LUZP2: variants seen among roughly 807,000 people sequenced by gnomAD.
The protein encoded by LUZP2 is leucine zipper protein 2.
In LUZP2, 52 loss-of-function variants were observed where a neutral mutation model predicts 51.6. That is an observed-to-expected ratio of 1.01 (90% CI 0.81 to 1.27). The LOEUF (loss-of-function observed/expected upper bound fraction) is 1.27, where lower values mean the gene tolerates loss of function less well. LUZP2 is among the 50% of genes most tolerant of loss of function. LUZP2 has a pLI of 0.00. For synonymous variants in LUZP2, 154 were observed against 137.3 expected (o/e 1.12, Z -0.85); for missense variants, 436 against 395.4 (o/e 1.10, Z -0.87).
At chr11:24,768,029 T>C (rs1390902651) in intron 5 of LUZP2, among the ~76,000 whole-genome samples, 1 of 152,164 alleles carries the variant, frequency 6.6e-6, no homozygotes, top group Non-Finnish European at 1.5e-5. Flanking sequence ...TTGTCTGTAA[T>C]GGTCTGAGAT....
chr11:24,518,861 T>C (rs1466708106), intron 1 of LUZP2, among the ~76,000 whole-genome samples: 1 of 152,214 alleles, frequency 6.6e-6, no homozygotes, highest in Non-Finnish European at 1.5e-5. Flanking sequence ...TCTATTCAAG[T>C]TCCCAATCAA....
At chr11:24,706,777 T>C (rs1361745365) in intron 1 of LUZP2, among the ~76,000 whole-genome samples, 2 of 152,148 alleles carry the variant, frequency 1.3e-5, no homozygotes, top group Non-Finnish European at 2.9e-5. Context: ...ATCTGGTTTT[T>C]CACCATTTGC....
chr11:24,678,075 AGGG>A (rs71041788), intron 1 of LUZP2, among the ~76,000 whole-genome samples: 1,098 of 69,754 alleles, frequency 0.016, 30 homozygotes, highest in East Asian at 0.11. Context: ...GAAAGGAGAA[AGGG>A]GGGGGGGGGT....
chr11:24,619,316 A>G (rs1463399240), intron 1 of LUZP2, among the ~76,000 whole-genome samples: 2 of 152,086 alleles, frequency 1.3e-5, no homozygotes, highest in Non-Finnish European at 2.9e-5. Context: ...TTATGGGTGT[A>G]TGTCACCCTG....
At chr11:24,670,218 G>C (rs1050748701) in intron 1 of LUZP2, among the ~76,000 whole-genome samples, 5 of 151,912 alleles carry the variant, frequency 3.3e-5, no homozygotes, top group African/African-American at 1.2e-4. Context: ...TTGCAGCTCT[G>C]GTATTGACAG....
intron 1 of LUZP2, among the ~76,000 whole-genome samples, chr11:24,654,815 G>A (rs945855674): frequency 1.3e-5 from 2 of 148,340 alleles, no homozygotes; most frequent in Non-Finnish European, 1.5e-5. Context: ...ATGAGCCACC[G>A]CGCCCGGCCT....
intron 1 of LUZP2, among the ~76,000 whole-genome samples, chr11:24,609,355 A>G (rs562496682): frequency 1.3e-5 from 2 of 152,282 alleles, no homozygotes; most frequent in East Asian, 3.9e-4. Flanking sequence ...CCACAGTTGT[A>G]GAAGAAGCAG....
At chr11:25,053,094 C>G (rs560699203) in intron 10 of LUZP2, among the ~76,000 whole-genome samples, 2 of 152,148 alleles carry the variant, frequency 1.3e-5, no homozygotes, top group South Asian at 2.1e-4. Context: ...GAACCTGAAT[C>G]TAGGCAATCA....
At chr11:24,847,648 G>C (rs943013938) in intron 5 of LUZP2, among the ~76,000 whole-genome samples, 1 of 152,206 alleles carries the variant, frequency 6.6e-6, no homozygotes, top group African/African-American at 2.4e-5. Flanking sequence ...GAAATACGGG[G>C]TGGAGGGGGG....
At chr11:24,976,707 A>T in intron 8 of LUZP2, 42 bp downstream of exon 8, 1 of 5,094 alleles carries the variant, frequency 2.0e-4, no homozygotes, top group Non-Finnish European at 4.3e-4. Context: ...TAGTTTTAGC[A>T]AAAAAAAAAA....
chr11:24,862,035 A>G (rs1851758339), intron 5 of LUZP2, among the ~76,000 whole-genome samples: 1 of 152,116 alleles, frequency 6.6e-6, no homozygotes, highest in Admixed American at 6.6e-5. Flanking sequence ...GACCTTTCAG[A>G]AGGCCTGCTC....
chr11:24,724,758 C>T (rs1434641581), intron 1 of LUZP2, among the ~76,000 whole-genome samples: 2 of 152,044 alleles, frequency 1.3e-5, no homozygotes, highest in African/African-American at 4.8e-5. Context: ...ATTGCTACCA[C>T]TTTAAAAAGT....
intron 4 of LUZP2, among the ~76,000 whole-genome samples, chr11:24,755,149 AACAG>A (rs200217534): frequency 0.022 from 3,381 of 152,000 alleles, 124 homozygotes; most frequent in African/African-American, 0.076. Flanking sequence ...CTGTCTAAAA[AACAG>A]AAAAAAAAAA....
intron 1 of LUZP2, among the ~76,000 whole-genome samples, chr11:24,657,814 C>A (rs747437423): frequency 6.6e-6 from 1 of 152,124 alleles, no homozygotes; most frequent in Non-Finnish European, 1.5e-5. Context: ...TGAGTGAACT[C>A]CCATTCACAA....
chr11:25,072,522 A>G (rs564970627), intron 10 of LUZP2, among the ~76,000 whole-genome samples: 1 of 152,252 alleles, frequency 6.6e-6, no homozygotes, highest in Admixed American at 6.6e-5. Flanking sequence ...AAAGGGAAAA[A>G]TAAAAATACA....
chr11:24,821,369 C>T (rs1049619076), intron 5 of LUZP2, among the ~76,000 whole-genome samples: 1 of 152,102 alleles, frequency 6.6e-6, no homozygotes, highest in Non-Finnish European at 1.5e-5. Context: ...ACATTCCGTT[C>T]TCCAGATGCT....
chr11:24,926,477 GTGTGTGTATATATATGTGTATATA>G (rs1565120045), intron 7 of LUZP2, among the ~76,000 whole-genome samples: 1 of 110,970 alleles, frequency 9.0e-6, no homozygotes, highest in East Asian at 3.4e-4. Flanking sequence ...GTGTATATAT[GTGTGTGTATATATATGTGTATATA>G]TGTGTGTGTA....
chr11:24,744,783 C>T (rs1859316183), intron 4 of LUZP2, among the ~76,000 whole-genome samples: 1 of 149,562 alleles, frequency 6.7e-6, no homozygotes, highest in South Asian at 2.2e-4. Flanking sequence ...TCTCTAGTTC[C>T]TTGAGGTGTG....
intron 5 of LUZP2, among the ~76,000 whole-genome samples, chr11:24,810,214 C>T (rs1849978372): frequency 6.6e-6 from 1 of 152,128 alleles, no homozygotes; most frequent in Non-Finnish European, 1.5e-5. Flanking sequence ...TACACACACA[C>T]ACATATACAT....
Sources: allele counts gnomAD v4.1 joint callset (sites outside exome capture counted in the v4.1 genomes callset), GRCh38; gene constraint gnomAD v4.1.1; transcripts MANE v1.5; gene names NCBI Gene and HGNC (gene_info 2026-07-23, HGNC 2026-07-21).